The following BANP variants were observed in gnomAD, a reference collection of about 807,000 sequenced individuals.
BANP encodes the protein protein BANP.
A neutral mutation model predicts 68.1 loss-of-function variants in BANP; 11 were observed. That is an observed-to-expected ratio of 0.16 (90% CI 0.10 to 0.27). The LOEUF (loss-of-function observed/expected upper bound fraction) is 0.27. Among genes scored for constraint, BANP ranks in the 10% least tolerant of loss-of-function variants. BANP has a pLI of 1.00. For synonymous variants in BANP, 329 were observed against 303.2 expected (o/e 1.09, Z -0.88); for missense variants, 504 against 722.7 (o/e 0.70, Z 3.47).
chr16:88,062,806 C>T (rs1190048674), intron 11 of BANP, among the ~76,000 whole-genome samples: 2 of 152,182 alleles, frequency 1.3e-5, no homozygotes, highest in African/African-American at 2.4e-5. Context: ...GGCACTAAGT[C>T]GGAATTCGGC....
chr16:88,044,172 A>G (rs1382489078), intron 11 of BANP, among the ~76,000 whole-genome samples: 1 of 152,256 alleles, frequency 6.6e-6, no homozygotes, highest in Non-Finnish European at 1.5e-5. Context: ...TTCTGCGGCG[A>G]TGCTGCCTCT....
intron 6 of BANP, among the ~76,000 whole-genome samples, chr16:88,008,284 T>C (rs995499646): frequency 2.0e-5 from 3 of 152,162 alleles, no homozygotes; most frequent in African/African-American, 7.2e-5. Flanking sequence ...GCTGTGAACG[T>C]TGAGGTGCAG....
At position 88,073,299 on chromosome 16, in the gene BANP, G is replaced by T. The variant is rs143875206; in HGVS notation, c.1521+1087G>T. 4.4e-3 allele frequency among the ~76,000 whole-genome samples: 668 copies of T among 152,320 alleles called. 6 individuals carry two copies. The highest frequency in any genetic ancestry group is 0.015 in the African/African-American group (625 of 41,576). ...CACGTCTTCACAGCGGGGCAGCTGC[G>T]GGCCCAGAGTTTAAGGACCCGTGTC... On this transcript the variant is annotated intron_variant, in intron 13 of 13. Coordinates refer to ENST00000682872, the MANE Select transcript of BANP (RefSeq NM_001386991.1).
chr16:88,032,709 T>TA (rs2078462940), intron 8 of BANP, among the ~76,000 whole-genome samples: 1 of 152,246 alleles, frequency 6.6e-6, no homozygotes, highest in African/African-American at 2.4e-5. Context: ...ACACAGCAAG[T>TA]AAAATTTGTT....
intron 1 of BANP, among the ~76,000 whole-genome samples, chr16:87,962,543 TTCTTAAGATGTGTCC>T (rs2059379783): frequency 6.6e-6 from 1 of 152,174 alleles, no homozygotes; most frequent in Admixed American, 6.5e-5. Flanking sequence ...GCCTAGACGC[TTCTTAAGATGTGTCC>T]CTGGAAATTA....
At chr16:88,013,920 C>T (rs1345517598) in intron 6 of BANP, among the ~76,000 whole-genome samples, 4 of 152,112 alleles carry the variant, frequency 2.6e-5, no homozygotes, top group South Asian at 2.1e-4. Flanking sequence ...GGATGGGAAC[C>T]GGTAGACTGG....
chr16:87,965,640 C>T (rs1222214157), intron 1 of BANP, among the ~76,000 whole-genome samples: 2 of 151,992 alleles, frequency 1.3e-5, no homozygotes, highest in Non-Finnish European at 2.9e-5. Flanking sequence ...GCGGGGCTTG[C>T]AGCATCAGGC....
intron 6 of BANP, among the ~76,000 whole-genome samples, chr16:88,011,228 C>T (rs1285040376): frequency 2.0e-5 from 3 of 152,168 alleles, no homozygotes; most frequent in African/African-American, 7.2e-5. Flanking sequence ...CGGGAGCAGT[C>T]TTGATCCATG....
At chr16:88,074,088 G>T (rs1049641134) in intron 13 of BANP, among the ~76,000 whole-genome samples, 3 of 152,208 alleles carry the variant, frequency 2.0e-5, no homozygotes, top group African/African-American at 2.4e-5. Context: ...TACCATCTCA[G>T]CTTGTCCTCA....
chr16:88,029,086 C>T (rs1196152833), intron 8 of BANP, among the ~76,000 whole-genome samples: 6 of 151,920 alleles, frequency 3.9e-5, no homozygotes, highest in East Asian at 1.9e-4. Flanking sequence ...GCAAACTGAT[C>T]ACCTGAGGTC....
At chr16:88,047,585 G>C (rs2082312249) in intron 11 of BANP, among the ~76,000 whole-genome samples, 1 of 152,168 alleles carries the variant, frequency 6.6e-6, no homozygotes, top group African/African-American at 2.4e-5. Flanking sequence ...TTCAAATCCA[G>C]ACTCCTCCTG....
intron 1 of BANP, among the ~76,000 whole-genome samples, chr16:87,973,360 A>G (rs2061453459): frequency 6.6e-6 from 1 of 151,978 alleles, no homozygotes; most frequent in Non-Finnish European, 1.5e-5. Flanking sequence ...TATTTTATTG[A>G]TCGTATATTT....
intron 4 of BANP, among the ~76,000 whole-genome samples, chr16:88,001,940 A>G (rs1220650669): frequency 2.0e-5 from 3 of 152,164 alleles, no homozygotes; most frequent in Non-Finnish European, 4.4e-5. Context: ...ACAAAAAAAA[A>G]AAAACCTTCT....
Position 88,050,482 on chromosome 16 carries a change from G to T in BANP, c.1311+12471G>T, listed in dbSNP as rs566253074. Among the ~76,000 whole-genome samples, 5 of 152,184 alleles carry T rather than the reference G, an allele frequency of 3.3e-5. No homozygotes were observed. In the South Asian group the frequency reaches 1.0e-3, roughly 32 times the overall value. ...ACAAGATGGTTTTAAACTAATAGCT[G>T]TGCCTCTTTAAGACACACACTTGTT... On this transcript the variant is annotated intron_variant, in intron 11 of 13. Coordinates refer to ENST00000682872, the MANE Select transcript of BANP (RefSeq NM_001386991.1).
chr16:87,985,074 C>T (rs1271080271), intron 4 of BANP, among the ~76,000 whole-genome samples: 2 of 152,320 alleles, frequency 1.3e-5, no homozygotes, highest in African/African-American at 4.8e-5. Context: ...GGAATGGGAG[C>T]CGCAACAAGC....
In BANP at chr16:88,006,135, G is replaced by A. The variant is rs746913650; in HGVS notation, c.525G>A (p.Pro175=). 54 of 1,613,908 alleles carry A rather than the reference G, an allele frequency of 3.3e-5. No individual in the cohort carries two copies. The highest frequency in any genetic ancestry group is 1.6e-4 in the Middle Eastern group (1 of 6,082). ...RRQNTIVVKV[P]GQEDSHHEDG... ...AGAACACCATTGTGGTGAAGGTGCC[G>A]GGCCAAGAAGACAGCCACCACGAGG... Residue 175 remains proline (P), a synonymous_variant, in exon 6 of 14, where the codon CCG becomes CCA. Transcript: ENST00000682872.
At chr16:87,985,033 G>A (rs1183077466) in intron 4 of BANP, among the ~76,000 whole-genome samples, 2 of 152,164 alleles carry the variant, frequency 1.3e-5, no homozygotes, top group African/African-American at 2.4e-5. Flanking sequence ...GGACGGCAGC[G>A]GGGGCGCCGG....
At chr16:88,072,996 G>A (rs1037212551) in intron 13 of BANP, among the ~76,000 whole-genome samples, 77 of 152,348 alleles carry the variant, frequency 5.1e-4, no homozygotes, top group African/African-American at 1.8e-3. Flanking sequence ...TGGACCCAGC[G>A]CTGGTGATCC....
chr16:88,038,608 C>G (rs1467324495), intron 11 of BANP, among the ~76,000 whole-genome samples: 1 of 152,124 alleles, frequency 6.6e-6, no homozygotes, highest in Non-Finnish European at 1.5e-5. Flanking sequence ...CACAAACTTG[C>G]CAGCTTTCTA....
Sources: gnomAD v4.1 joint callset for allele counts (sites outside exome capture counted in the v4.1 genomes callset) on GRCh38, gnomAD v4.1.1 for gene constraint, MANE v1.5 for transcripts, NCBI Gene and HGNC (gene_info 2026-07-23, HGNC 2026-07-21) for gene names.